The following MUTYH variants were observed in gnomAD, a reference collection of about 807,000 sequenced individuals.
MUTYH encodes the protein mutY DNA glycosylase.
A neutral mutation model predicts 72.9 loss-of-function variants in MUTYH; 64 were observed. The ratio of observed to expected loss-of-function variants is 0.88; its 90% CI spans 0.72 to 1.08. MUTYH has a LOEUF of 1.08. Ranked by LOEUF, MUTYH falls within the 50% of genes least tolerant of loss-of-function variation. The pLI, the probability that MUTYH is intolerant of heterozygous loss-of-function variation, is 0.00. For synonymous variants in MUTYH, 234 were observed against 263.1 expected, an observed-to-expected ratio of 0.89 and a Z score of 1.07; for missense variants, 633 against 671.0, an observed-to-expected ratio of 0.94 and a Z score of 0.63.
chr1:45,339,059 G>C (rs1207021618), intron 1 of MUTYH, among the ~76,000 whole-genome samples: 2 of 152,036 alleles, frequency 1.3e-5, no homozygotes, highest in African/African-American at 4.8e-5. Context: ...CACTGCGCCC[G>C]GCCCAAGCAG....
intron 15 of MUTYH, among the ~76,000 whole-genome samples, 194 bp from the exon 16 acceptor site, chr1:45,329,631 A>G (rs548516314): frequency 2.6e-5 from 4 of 152,260 alleles, no homozygotes; most frequent in African/African-American, 9.6e-5. Flanking sequence ...AGGGAATCGA[A>G]TTGTCCTAAA....
At chr1:45,330,188 G>A (rs1017816713) in intron 15 of MUTYH, 109 of 263,430 alleles carry the variant, frequency 4.1e-4, no homozygotes, top group Middle Eastern at 1.3e-3. Context: ...AGCCGAGATC[G>A]GGCCACTGCA....
Position 45,332,431 on chromosome 1 carries a change from CA to C in MUTYH, c.663del (p.Ile221MetfsTer17). On this transcript the variant is annotated frameshift_variant, in exon 9 of 16. Transcript: ENST00000456914. LOFTEE classifies it high-confidence loss of function. ...VARVLCRVRA[I>X]GADPSSTLVS... ...ACAAGGGTGCTGCTGGGATCAGCAC[CA>C]ATGGCTCGGACACGGCACAGCACCC... is the stretch of plus-strand genomic sequence containing the variant. 2 of 1,614,190 alleles carry C rather than the reference CA, an allele frequency of 1.2e-6. No homozygotes were observed. Among genetic ancestry groups the C allele is most frequent in the Non-Finnish European group, 1.7e-6 (2 of 1,180,016 alleles).
At chr1:45,333,251 G>A (rs1480721010) in intron 4 of MUTYH, 34 bp downstream of exon 4, 2 of 1,614,186 alleles carry the variant, frequency 1.2e-6, no homozygotes, top group Non-Finnish European at 1.7e-6. Flanking sequence ...GGGCCTCGAG[G>A]CAAAGTGGCC....
rs757505688 is a variant in MUTYH at position 45,331,791 on chromosome 1, G to A, written c.972C>T (p.Thr324=). ...TTCTGGGGAAGTTGACCACTCCCAG[G>A]GTCTGGTCCCAGGGCTCCGAGGGAG... ...CLPPSEPWDQ[T]LGVVNFPRKA... Residue 324 remains threonine, a synonymous_variant, in exon 12 of 16, where the codon ACC becomes ACT. Transcript: ENST00000456914. The A allele has an allele frequency of 1.2e-6, 2 of 1,612,932 alleles. No homozygotes were observed. Among genetic ancestry groups the A allele is most frequent in the African/African-American group, 2.7e-5 (2 of 74,886 alleles).
upstream of MUTYH, chr1:45,339,972 T>C (rs1205641254): frequency 6.6e-7 from 1 of 1,523,058 alleles, no homozygotes; most frequent in Non-Finnish European, 8.9e-7. Flanking sequence ...GAGAGAAAGA[T>C]TACCTCCCGC....
intron 1 of MUTYH, among the ~76,000 whole-genome samples, chr1:45,339,460 C>T (rs1418444086): frequency 2.0e-5 from 3 of 151,848 alleles, no homozygotes; most frequent in Admixed American, 2.0e-4. Context: ...GTAATCCGCC[C>T]GCCTCGGCCT....
intron 1 of MUTYH, chr1:45,338,568 T>A: frequency 2.4e-5 from 7 of 285,872 alleles, no homozygotes; most frequent in Non-Finnish European, 4.2e-5. Context: ...AATTTGACTG[T>A]AAAAAACGAC....
chr1:45,339,973 T>C (rs1349741508), upstream of MUTYH: 4 of 1,524,884 alleles, frequency 2.6e-6, no homozygotes, highest in Non-Finnish European at 2.7e-6. Context: ...AGAGAAAGAT[T>C]ACCTCCCGCG....
In MUTYH at chr1:45,332,900, C is replaced by A. The variant is rs1645216268; in HGVS notation, c.420+18G>T. On this transcript the variant is annotated intron_variant, in intron 6 of 15. Transcript: ENST00000456914. Reference sequence around the variant, plus strand: ...CCCTCTATTGTTCCTATTTCCCCTACCCTAGGGTGGCTCTCACCTCCAGGG... The same window carrying A: ...CCCTCTATTGTTCCTATTTCCCCTAACCTAGGGTGGCTCTCACCTCCAGGG... 6.2e-7 allele frequency: 1 copy of A among 1,613,948 alleles called. No homozygotes were observed. Among genetic ancestry groups the A allele is most frequent in the African/African-American group, 1.3e-5 (1 of 74,922 alleles).
Position 45,331,047 on chromosome 1 carries a change from T to C in MUTYH, c.1392+135A>G, listed in dbSNP as rs1644731174. 1.2e-5 allele frequency: 15 copies of C among 1,212,022 alleles called. No homozygotes were observed. In the South Asian group the frequency reaches 1.7e-4, roughly 13 times the overall value. The allele number at this position is 1,212,022 out of a possible 1,614,324, so 75.1% of individuals were successfully genotyped here. ...TTGCAGTCAACCGAGATAGCGCCAT[T>C]GCACTCCAGCCTGGGCAACAGAGCG... On this transcript the variant is annotated intron_variant, in intron 14 of 15. Transcript: ENST00000456914.
chr1:45,333,017 C>G (rs1361918815), intron 5 of MUTYH, 58 bp from the exon 6 acceptor site: 8 of 1,613,362 alleles, frequency 5.0e-6, no homozygotes, highest in South Asian at 1.1e-5. Context: ...GTAGAGGAAG[C>G]CTTCTCTACA....
chr1:45,340,263 A>G, upstream of MUTYH: 1 of 1,613,838 alleles, frequency 6.2e-7, no homozygotes, highest in Non-Finnish European at 8.5e-7. Flanking sequence ...ATGGCCGCCG[A>G]CAGTGACGAT....
rs1311074015 is a variant in MUTYH, at chr1:45,339,904, G to A, written c.-12C>T. 2 of 1,421,600 alleles carry A rather than the reference G, an allele frequency of 1.4e-6. No homozygotes were observed. Among genetic ancestry groups the A allele is most frequent in the Non-Finnish European group, 1.9e-6 (2 of 1,063,966 alleles). The allele number at this position is 1,421,600 out of a possible 1,614,324, so 88.1% of individuals were successfully genotyped here. The stretch of plus-strand genomic sequence containing the variant: ...GCCACCCCACTACCCGCTACCCGCG[G>A]CCCACGCTGATGAAGACAGCAGAAC... On this transcript the variant is annotated 5_prime_UTR_variant, in exon 1 of 16. Coordinates refer to ENST00000456914, the MANE Select transcript of MUTYH (RefSeq NM_001048174.2).
At chr1:45,340,107 G>C, upstream of MUTYH, 1 of 1,555,310 alleles carries the variant, frequency 6.4e-7, no homozygotes, top group Non-Finnish European at 8.7e-7. Context: ...CCCCGCGCCG[G>C]ACCCGGGACG....
rs1557479593 is a variant in MUTYH, at chr1:45,332,810, G to A, written c.445C>T (p.Leu149=). 2 of 1,614,168 alleles carry A rather than the reference G, an allele frequency of 1.2e-6. No homozygotes were observed. Among genetic ancestry groups the A allele is most frequent in the Middle Eastern group, 3.3e-4 (2 of 6,062 alleles). ...CGCCGGCCACGAGAATAGTAGCCCA[G>A]GCCAGCCCAGAGTTGATTCACCTCC... The part of the protein sequence containing the change: ...LEEVNQLWAG[L]GYYSRGRRLQ... Residue 149 remains leucine, a synonymous_variant, in exon 7 of 16, where the codon CTG becomes TTG. Transcript: ENST00000456914.
At chr1:45,333,028 C>G (rs560844465) in intron 5 of MUTYH, 69 bp from the exon 6 acceptor site, 1 of 1,612,142 alleles carries the variant, frequency 6.2e-7, no homozygotes, top group Non-Finnish European at 8.5e-7. Context: ...CTTCTCTACA[C>G]CCACCCCAAA....
intron 3 of MUTYH, 25 bp from the exon 4 acceptor site, chr1:45,333,349 A>T (rs750172149): frequency 4.3e-6 from 7 of 1,614,012 alleles, no homozygotes; most frequent in Non-Finnish European, 5.9e-6. Context: ...CCAGATGAGG[A>T]GTTAGGGTGG....
intron 1 of MUTYH, among the ~76,000 whole-genome samples, chr1:45,339,365 C>G (rs1051012477): frequency 6.6e-6 from 1 of 151,968 alleles, no homozygotes; most frequent in East Asian, 1.9e-4. Context: ...GCGCCCGCAC[C>G]ATACCCAGCT....
Sources: gnomAD v4.1 joint callset for allele counts (sites outside exome capture counted in the v4.1 genomes callset) on GRCh38, gnomAD v4.1.1 for gene constraint, MANE v1.5 for transcripts, NCBI Gene and HGNC (gene_info 2026-07-23, HGNC 2026-07-21) for gene names.